Variants in NME7 observed in about 807,000 individuals in gnomAD.
The protein encoded by NME7 is nucleoside diphosphate kinase 7.
In NME7, 41 loss-of-function variants were observed where a neutral mutation model predicts 49.1. The observed-to-expected ratio is 0.83, with a 90% confidence interval of 0.65 to 1.08. NME7 has a LOEUF of 1.08. Ranked by LOEUF, NME7 falls within the 50% of genes least tolerant of loss-of-function variation. The pLI is 0.00. For missense variants in NME7, 423 were observed against 463.4 expected (o/e 0.91, Z 0.80); for synonymous variants, 139 against 150.6 (o/e 0.92, Z 0.56).
At chr1:169,339,597 T>C (rs1652608511) in intron 1 of NME7, among the ~76,000 whole-genome samples, 1 of 152,234 alleles carries the variant, frequency 6.6e-6, no homozygotes, top group Non-Finnish European at 1.5e-5. Flanking sequence ...ACAAACACAC[T>C]GAGCCAAGTC....
At chr1:169,186,044 T>A (rs566083934) in intron 10 of NME7, among the ~76,000 whole-genome samples, 26 of 152,080 alleles carry the variant, frequency 1.7e-4, no homozygotes, top group African/African-American at 6.0e-4. Context: ...CACATATTTT[T>A]AAAAATATAT....
At chr1:169,341,725 G>C (rs1444716387) in intron 1 of NME7, among the ~76,000 whole-genome samples, 1 of 152,156 alleles carries the variant, frequency 6.6e-6, no homozygotes, top group African/African-American at 2.4e-5. Context: ...CCCTGGGTGT[G>C]AGACATGGAA....
rs577973841 is a variant in NME7, at chr1:169,278,093, G to A, written c.754+9210C>T. On this transcript the variant is annotated intron_variant, in intron 7 of 11. Transcript: ENST00000367811. ...ATGGGCTTCCCTTTGTGGGTAACCC[G>A]ACCTTTCTCTCTGGCTGCCCTTAAC... Among the ~76,000 whole-genome samples, 594 of 151,298 alleles carry A rather than the reference G, an allele frequency of 3.9e-3. 3 individuals carry two copies. Among genetic ancestry groups the A allele is most frequent in the Middle Eastern group, 0.017 (5 of 294 alleles).
At chr1:169,343,837 C>T (rs1051077824) in intron 1 of NME7, among the ~76,000 whole-genome samples, 1 of 152,106 alleles carries the variant, frequency 6.6e-6, no homozygotes. Flanking sequence ...AGTTTTGAAA[C>T]CAGAAAGTAT....
chr1:169,164,109 CAA>C (rs34543492), intron 11 of NME7, among the ~76,000 whole-genome samples: 12,396 of 125,218 alleles, frequency 0.099, 643 homozygotes, highest in Admixed American at 0.21. Context: ...GACTCTGTCT[CAA>C]AAAAAAAAAA....
At chr1:169,144,409 A>G (rs186114978) in intron 11 of NME7, among the ~76,000 whole-genome samples, 1 of 152,140 alleles carries the variant, frequency 6.6e-6, no homozygotes, top group Non-Finnish European at 1.5e-5. Context: ...ATACTATTCT[A>G]TGTTTTGTTT....
In NME7 at chr1:169,275,784, C is replaced by A. The variant is rs1176351000; in HGVS notation, c.754+11519G>T. ...GTGCCAGTTTTCAAATGGAATGCTT[C>A]CAGTTTTTGCCCATTCAGTGTGATA... On this transcript the variant is annotated intron_variant, in intron 7 of 11. Transcript: ENST00000367811. 6.0e-5 allele frequency among the ~76,000 whole-genome samples: 8 copies of A among 133,302 alleles called. 1 individual carries two copies. Among genetic ancestry groups the A allele is most frequent in the African/African-American group, 1.5e-4 (6 of 39,332 alleles). 87.5% of individuals were successfully genotyped at this position (133,302 alleles called of 152,430 possible).
At position 169,132,803 on chromosome 1, in the gene NME7, G is replaced by C. The variant is rs764711260; in HGVS notation, c.1113C>G (p.Phe371Leu). ...CACACCACTAATTATCCAAGATCTT[G>C]AAGAAGTATTGAACCTGAAACGGAG... is the stretch of plus-strand genomic sequence containing the variant. ...EDGLLEVQYF[F>L]KILDN is the part of the protein sequence containing the mutation. Residue 371 changes from phenylalanine to leucine, a missense_variant, in exon 12 of 12, where the codon TTC becomes TTG. Physicochemically the swap from Phe to Leu is conservative, Grantham distance 22. Coordinates refer to ENST00000367811, the MANE Select transcript of NME7 (RefSeq NM_013330.5). 2.5e-6 allele frequency: 4 copies of C among 1,613,180 alleles called. No individual in the cohort carries two copies. The highest frequency in any genetic ancestry group is 3.3e-4 in the Middle Eastern group (2 of 6,058).
intron 3 of NME7, among the ~76,000 whole-genome samples, chr1:169,313,650 A>G (rs1472368626): frequency 6.6e-6 from 1 of 152,108 alleles, no homozygotes; most frequent in Non-Finnish European, 1.5e-5. Flanking sequence ...ACACATGGCA[A>G]TCATATAGAA....
chr1:169,333,140 C>T (rs1447224173), intron 1 of NME7, among the ~76,000 whole-genome samples: 1 of 152,032 alleles, frequency 6.6e-6, no homozygotes, highest in Non-Finnish European at 1.5e-5. Context: ...AGAATGAGAT[C>T]CAGTCATTTG....
chr1:169,241,247 T>A (rs534401271), intron 7 of NME7, among the ~76,000 whole-genome samples: 1 of 152,246 alleles, frequency 6.6e-6, no homozygotes, highest in East Asian at 1.9e-4. Context: ...TGGCTTTTTT[T>A]TCCCCCTGCA....
intron 1 of NME7, among the ~76,000 whole-genome samples, chr1:169,333,123 A>C (rs941878592): frequency 6.6e-6 from 1 of 152,236 alleles, no homozygotes; most frequent in African/African-American, 2.4e-5. Context: ...CCATTAAGCC[A>C]TAAAAAAGAA....
intron 11 of NME7, among the ~76,000 whole-genome samples, chr1:169,151,860 T>A (rs1041361220): frequency 6.6e-6 from 1 of 152,178 alleles, no homozygotes; most frequent in African/African-American, 2.4e-5. Context: ...TGCCCCTACA[T>A]GACCTGATCT....
At chr1:169,248,702 T>A (rs944031087) in intron 7 of NME7, among the ~76,000 whole-genome samples, 2 of 152,110 alleles carry the variant, frequency 1.3e-5, no homozygotes, top group African/African-American at 2.4e-5. Context: ...CATGTGGTTA[T>A]CCAGTTTTCC....
intron 1 of NME7, among the ~76,000 whole-genome samples, chr1:169,330,694 T>A (rs1423340802): frequency 6.6e-6 from 1 of 151,756 alleles, no homozygotes; most frequent in Non-Finnish European, 1.5e-5. Context: ...AATAAATAAA[T>A]AAAATCCATT....
chr1:169,279,229 G>A (rs1649891669), intron 7 of NME7, among the ~76,000 whole-genome samples: 1 of 152,164 alleles, frequency 6.6e-6, no homozygotes, highest in African/African-American at 2.4e-5. Context: ...TGTCAGACAG[G>A]GACATTTAAG....
At chr1:169,232,503 T>C (rs1163070009) in intron 9 of NME7, among the ~76,000 whole-genome samples, 1 of 144,772 alleles carries the variant, frequency 6.9e-6, no homozygotes, top group Admixed American at 6.9e-5. Flanking sequence ...GGATGCAAAA[T>C]AATAAAATTA....
intron 10 of NME7, among the ~76,000 whole-genome samples, chr1:169,202,021 C>T (rs1237312364): frequency 6.6e-6 from 1 of 152,132 alleles, no homozygotes; most frequent in African/African-American, 2.4e-5. Flanking sequence ...CTGGCAGCAG[C>T]AGCAGCAACA....
intron 1 of NME7, among the ~76,000 whole-genome samples, chr1:169,335,549 T>C (rs1052869930): frequency 1.3e-5 from 2 of 150,788 alleles, no homozygotes; most frequent in Non-Finnish European, 3.0e-5. Flanking sequence ...CCAGGGCCTG[T>C]TGTGGGGTGG....
Sources: allele counts gnomAD v4.1 joint callset (sites outside exome capture counted in the v4.1 genomes callset), GRCh38; gene constraint gnomAD v4.1.1; transcripts MANE v1.5; gene names NCBI Gene and HGNC (gene_info 2026-07-23, HGNC 2026-07-21).